SYT16: variants seen among roughly 807,000 people sequenced by gnomAD.
SYT16 encodes synaptotagmin 16.
A neutral mutation model predicts 61.4 loss-of-function variants in SYT16; 42 were observed. That is an observed-to-expected ratio of 0.68 (90% confidence interval 0.53 to 0.89). The LOEUF (loss-of-function observed/expected upper bound fraction) is 0.89. SYT16 is among the 40% of genes least tolerant of loss of function. The probability of loss-of-function intolerance (pLI) is 0.00; values close to 1 mark genes in which losing one functional copy is unlikely to be tolerated. For missense variants in SYT16, 804 were observed against 807.3 expected (o/e 1.00, Z 0.05); for synonymous variants, 314 against 302.3 (o/e 1.04, Z -0.40).
chr14:62,059,174 C>T (rs67899258), intron 3 of SYT16, among the ~76,000 whole-genome samples: 5,156 of 152,110 alleles, frequency 0.034, 119 homozygotes, highest in Middle Eastern at 0.11. Flanking sequence ...ACCCCCATGA[C>T]GCAAGTTTAC....
At chr14:61,827,050 C>T (rs72716748) in intron 1 of SYT16, among the ~76,000 whole-genome samples, 15,276 of 150,432 alleles carry the variant, frequency 0.1, 869 homozygotes, top group Non-Finnish European at 0.11. Context: ...AAGGCCCCAT[C>T]TCTAAATACA....
chr14:61,820,260 A>G (rs1049137943), intron 1 of SYT16, among the ~76,000 whole-genome samples: 3 of 152,188 alleles, frequency 2.0e-5, no homozygotes, highest in Non-Finnish European at 4.4e-5. Flanking sequence ...CACACACACA[A>G]CTTGTAGAAA....
intron 2 of SYT16, among the ~76,000 whole-genome samples, chr14:61,980,090 A>G (rs766995440): frequency 3.1e-4 from 47 of 152,156 alleles, no homozygotes; most frequent in Non-Finnish European, 8.8e-5. Flanking sequence ...TCCCCTTTAT[A>G]CTTCTTTTGT....
chr14:61,959,934 G>T (rs2051048736), intron 1 of SYT16, among the ~76,000 whole-genome samples: 1 of 151,958 alleles, frequency 6.6e-6, no homozygotes, highest in African/African-American at 2.4e-5. Flanking sequence ...AGGCTCAAGT[G>T]ATCCTCCCAC....
intron 3 of SYT16, among the ~76,000 whole-genome samples, chr14:62,004,871 A>C (rs557622826): frequency 6.6e-6 from 1 of 152,224 alleles, no homozygotes; most frequent in African/African-American, 2.4e-5. Flanking sequence ...GGGTGGCCTC[A>C]TTACCACTGG....
chr14:62,051,212 A>G (rs1471015791), intron 3 of SYT16, among the ~76,000 whole-genome samples: 2 of 152,138 alleles, frequency 1.3e-5, no homozygotes, highest in Non-Finnish European at 2.9e-5. Context: ...TTGCAGTTTG[A>G]TCTCAGACTG....
rs2050033852 is a variant in SYT16, at chr14:61,937,617, C to G, written c.-324-32515C>G. Among the ~76,000 whole-genome samples the G allele has an allele frequency of 2.0e-5, 3 of 152,154 alleles. No individual in the cohort carries two copies. The South Asian group carries it at 6.2e-4, about 31-fold the overall frequency. ...GCCACTGTGGATGGGCAGGAAGCCC[C>G]ACTTGCCTTTCCATGGAGATCTGGA... On this transcript the variant is annotated intron_variant, in intron 1 of 7. Coordinates refer to ENST00000683842, the MANE Select transcript of SYT16 (RefSeq NM_001367656.1).
At position 61,916,796 on chromosome 14, in the gene SYT16, CCACTTTTTTT is replaced by C. The variant is rs1303168032; in HGVS notation, c.-324-53334_-324-53325del. ...ATTCTACTCTCTACCTCCATGAGAT[CCACTTTTTTT>C]CTTTTGGCTCCCACATATAAGTAAG... On this transcript the variant is annotated intron_variant, in intron 1 of 7. Coordinates refer to ENST00000683842, the MANE Select transcript of SYT16 (RefSeq NM_001367656.1). 5.9e-5 allele frequency among the ~76,000 whole-genome samples: 9 copies of C among 152,196 alleles called. No homozygotes were observed. The South Asian group carries it at 1.9e-3, about 32-fold the overall frequency.
rs776473522 is a variant in SYT16, at chr14:62,018,298, C to CTTTTTTTTTTTTT, written c.523+21772_523+21784dup. ...GGGTCTTTCTCTTCTTCTTCTTCTT[C>CTTTTTTTTTTTTT]TTTTTTTTTTTTTTTTTTTTTTTTT... On this transcript the variant is annotated intron_variant, in intron 3 of 7. Transcript: ENST00000683842. Among the ~76,000 whole-genome samples the CTTTTTTTTTTTTT allele has an allele frequency of 4.6e-4, 24 of 51,642 alleles. 3 individuals are homozygous for CTTTTTTTTTTTTT. Among genetic ancestry groups the CTTTTTTTTTTTTT allele is most frequent in the South Asian group, 2.1e-3 (2 of 974 alleles). The allele number at this position is 51,642 out of a possible 152,430, so 33.9% of individuals were successfully genotyped here.
At chr14:61,896,212 C>T (rs538119755) in intron 1 of SYT16, among the ~76,000 whole-genome samples, 219 of 152,222 alleles carry the variant, frequency 1.4e-3, no homozygotes, top group Non-Finnish European at 2.7e-3. Flanking sequence ...GGCAAGAACC[C>T]CCATACGTCA....
chr14:62,026,575 A>G lies in SYT16; in HGVS notation c.523+30033A>G, dbSNP rs2054111608. Among the ~76,000 whole-genome samples the G allele has an allele frequency of 2.0e-5, 3 of 152,172 alleles. 1 individual carries two copies. In the South Asian group the frequency reaches 6.2e-4, roughly 31 times the overall value. ...CCTCTTAAAGTCCCCACCTCTTAAT[A>G]CTACCACTTTGGCAACACCTGGATT... On this transcript the variant is annotated intron_variant, in intron 3 of 7. Coordinates refer to ENST00000683842, the MANE Select transcript of SYT16 (RefSeq NM_001367656.1).
chr14:61,888,179 G>A (rs561142479), intron 1 of SYT16, among the ~76,000 whole-genome samples: 196 of 147,426 alleles, frequency 1.3e-3, no homozygotes, highest in African/African-American at 4.2e-3. Context: ...GTGCAGTGGC[G>A]TGATCTTGGC....
chr14:61,910,818 C>T (rs921853289), intron 1 of SYT16, among the ~76,000 whole-genome samples: 31 of 152,204 alleles, frequency 2.0e-4, no homozygotes, highest in African/African-American at 6.3e-4. Flanking sequence ...CGTGAGCCAC[C>T]GTGCCCGGCC....
chr14:61,849,906 C>G (rs1178472829), intron 1 of SYT16, among the ~76,000 whole-genome samples: 1 of 152,170 alleles, frequency 6.6e-6, no homozygotes, highest in Non-Finnish European at 1.5e-5. Context: ...GCTGCCTCCA[C>G]TTCCACAGGT....
In SYT16 at chr14:62,103,007, G is replaced by C. The variant is rs1449975791; in HGVS notation, c.*2300G>C. On this transcript the variant is annotated 3_prime_UTR_variant, in exon 8 of 8. Transcript: ENST00000683842. The stretch of plus-strand genomic sequence containing the variant: ...TTTATTTTTATAATTTTACTATGTT[G>C]GTGCTACTCACCAAATAGGATGCAT... The C allele has an allele frequency of 6.6e-6, 1 of 152,102 alleles. No homozygotes were observed. The highest frequency in any genetic ancestry group is 1.5e-5 in the Non-Finnish European group (1 of 68,022). The allele number at this position is 152,102 out of a possible 1,614,324, so 9.4% of individuals were successfully genotyped here.
chr14:62,038,652 C>T (rs1458882884), intron 3 of SYT16, among the ~76,000 whole-genome samples: 1 of 152,078 alleles, frequency 6.6e-6, no homozygotes, highest in Non-Finnish European at 1.5e-5. Flanking sequence ...TCTGTCTGGC[C>T]TTTATAGTTC....
chr14:61,823,292 A>G (rs1051900604), intron 1 of SYT16, among the ~76,000 whole-genome samples: 9 of 151,804 alleles, frequency 5.9e-5, no homozygotes, highest in African/African-American at 2.2e-4. Flanking sequence ...CGCCTGGCCT[A>G]TTTTTTTATT....
At chr14:61,868,588 T>C (rs1254701472) in intron 1 of SYT16, among the ~76,000 whole-genome samples, 1 of 152,012 alleles carries the variant, frequency 6.6e-6, no homozygotes, top group Non-Finnish European at 1.5e-5. Context: ...GTATGTTCTT[T>C]AGTTTCCAAA....
chr14:61,816,447 G>A (rs560358609), intron 1 of SYT16, among the ~76,000 whole-genome samples: 4 of 152,270 alleles, frequency 2.6e-5, no homozygotes, highest in Non-Finnish European at 4.4e-5. Context: ...GGAAAATCTT[G>A]AGTTAAATGA....
Sources: gnomAD v4.1 joint callset for allele counts (sites outside exome capture counted in the v4.1 genomes callset) on GRCh38, gnomAD v4.1.1 for gene constraint, MANE v1.5 for transcripts, NCBI Gene and HGNC (gene_info 2026-07-23, HGNC 2026-07-21) for gene names.